FAM91A1: variants seen among roughly 807,000 people sequenced by gnomAD.
FAM91A1 encodes the protein family with sequence similarity 91 member A1, also known as protein FAM91A1.
In FAM91A1, 41 loss-of-function variants were observed where a neutral mutation model predicts 113.5. That is an observed-to-expected ratio of 0.36 (90% CI 0.28 to 0.47). The LOEUF is 0.47. Among genes scored for constraint, FAM91A1 ranks in the 20% least tolerant of loss-of-function variants. The probability of loss-of-function intolerance (pLI) is 1.00; values close to 1 mark genes in which losing one functional copy is unlikely to be tolerated. For missense variants in FAM91A1, 696 were observed against 1,001.2 expected, an observed-to-expected ratio of 0.70 and a Z score of 4.11; for synonymous variants, 307 against 347.9, an observed-to-expected ratio of 0.88 and a Z score of 1.31.
intron 3 of FAM91A1, 62 bp from the exon 4 acceptor site, chr8:123,777,203 T>C (rs879669002): frequency 2.3e-5 from 26 of 1,110,062 alleles, no homozygotes; most frequent in Non-Finnish European, 3.3e-5. Context: ...ATATTGTATT[T>C]ATACACATTT....
intron 11 of FAM91A1, 118 bp from the exon 12 acceptor site, chr8:123,786,377 T>G: frequency 1.3e-6 from 1 of 751,498 alleles, no homozygotes; most frequent in Non-Finnish European, 2.2e-6. Flanking sequence ...ATTTTGGGCT[T>G]GAATATAAGA....
intron 23 of FAM91A1, chr8:123,810,555 CTTTG>C: frequency 1.5e-6 from 1 of 645,322 alleles, no homozygotes; most frequent in South Asian, 1.8e-5. Flanking sequence ...AGCTTGATCT[CTTTG>C]TTCTGTGCCA....
chr8:123,797,268 A>G (rs1356231919), intron 15 of FAM91A1, among the ~76,000 whole-genome samples: 5 of 152,216 alleles, frequency 3.3e-5, no homozygotes, highest in East Asian at 1.9e-4. Context: ...GCACTCTTCT[A>G]TGATACAGAC....
chr8:123,785,021 A>T lies in FAM91A1; in HGVS notation c.811-60A>T, dbSNP rs1308860563. ...ATTATGATTATATTGGTCTATTACA[A>T]CTGTGTAATGTGCTGTTAATTCTAA... On this transcript the variant is annotated intron_variant, in intron 9 of 23. Transcript: ENST00000334705. 5.4e-6 allele frequency: 7 copies of T among 1,285,576 alleles called. No homozygotes were observed. In the East Asian group the frequency reaches 1.7e-4, roughly 30 times the overall value. The allele number at this position is 1,285,576 out of a possible 1,614,324, so 79.6% of individuals were successfully genotyped here.
At chr8:123,776,702 C>G (rs1814990892) in intron 3 of FAM91A1, among the ~76,000 whole-genome samples, 1 of 152,162 alleles carries the variant, frequency 6.6e-6, no homozygotes, top group African/African-American at 2.4e-5. Flanking sequence ...GTTATTCTAT[C>G]ATTGGGTATA....
chr8:123,775,011 C>A, intron 2 of FAM91A1, 136 bp from the exon 3 acceptor site: 1 of 849,772 alleles, frequency 1.2e-6, no homozygotes, highest in Non-Finnish European at 1.7e-6. Flanking sequence ...TTTGTTCCAA[C>A]TTAGAATATT....
Position 123,785,741 on chromosome 8 carries a change from A to T in FAM91A1, c.962A>T (p.Lys321Met). Reference protein sequence around the residue: ...WKNVPSVNRLKSTLDPQKMLL... With the variant: ...WKNVPSVNRLMSTLDPQKMLL... ...AATGTTCCATCCGTAAACAGATTAA[A>T]GTAACTTAAATTTATTCAGTATGAG... is the stretch of plus-strand genomic sequence containing the variant. Residue 321 changes from lysine to methionine, a missense_variant and splice_region_variant, in exon 11 of 24, where the codon AAG becomes ATG. Lys to Met is a moderately conservative substitution (Grantham distance 95, BLOSUM62 -1). Transcript: ENST00000334705. 1 of 1,562,416 alleles carries T rather than the reference A, an allele frequency of 6.4e-7. No homozygotes were observed. Among genetic ancestry groups the T allele is most frequent in the Non-Finnish European group, 8.6e-7 (1 of 1,156,174 alleles).
intron 1 of FAM91A1, among the ~76,000 whole-genome samples, chr8:123,769,508 A>G (rs533127816): frequency 6.6e-6 from 1 of 152,346 alleles, no homozygotes; most frequent in South Asian, 2.1e-4. Flanking sequence ...TCCTCCAGAC[A>G]AGATGGGTTT....
At chr8:123,807,911 G>A (rs1442222223) in intron 20 of FAM91A1, among the ~76,000 whole-genome samples, 4 of 152,144 alleles carry the variant, frequency 2.6e-5, no homozygotes, top group African/African-American at 4.8e-5. Flanking sequence ...TTCCACAGGG[G>A]TGCAATTGGC....
In FAM91A1 at chr8:123,812,682, T is replaced by C; in HGVS notation, c.2495T>C (p.Ile832Thr). Residue 832 changes from isoleucine to threonine, a missense_variant, in exon 24 of 24, where the codon ATT becomes ACT. By Grantham distance (89) the Ile-to-Thr change is moderately conservative. Coordinates refer to ENST00000334705, the MANE Select transcript of FAM91A1 (RefSeq NM_144963.4). The part of the protein sequence containing the change: ...WSGRSPSSLL[I>T]ANLHLQ ...GGACGGTCACCTTCCTCACTTCTTATTGCTAATCTCCATTTGCAATAATTT... is the reference window on the plus strand; with the variant it reads ...GGACGGTCACCTTCCTCACTTCTTACTGCTAATCTCCATTTGCAATAATTT... 3.2e-6 allele frequency: 5 copies of C among 1,585,428 alleles called. No individual in the cohort carries two copies. Among genetic ancestry groups the C allele is most frequent in the East Asian group, 2.3e-5 (1 of 43,774 alleles).
chr8:123,812,386 C>CTCGGTG, intron 23 of FAM91A1, 133 bp from the exon 24 acceptor site: 1 of 654,178 alleles, frequency 1.5e-6, no homozygotes, highest in South Asian at 2.6e-5. Context: ...CAGTGTAGAT[C>CTCGGTG]TTTGCATCTC....
intron 1 of FAM91A1, among the ~76,000 whole-genome samples, chr8:123,773,540 C>T (rs985017268): frequency 3.3e-5 from 5 of 152,172 alleles, no homozygotes; most frequent in African/African-American, 1.2e-4. Flanking sequence ...GTCTAAATGC[C>T]TTCTAATGAG....
In FAM91A1 at chr8:123,805,336, G is replaced by T. The variant is rs2130150516; in HGVS notation, c.1879G>T (p.Gly627Ter). 6.2e-7 allele frequency: 1 copy of T among 1,609,498 alleles called. No homozygotes were observed. Among genetic ancestry groups the T allele is most frequent in the Non-Finnish European group, 8.5e-7 (1 of 1,177,798 alleles). Residue 627 changes from glycine (G) to a stop codon, truncating the protein, a stop_gained, in exon 19 of 24, where the codon GGA becomes TGA. Coordinates refer to ENST00000334705, the MANE Select transcript of FAM91A1 (RefSeq NM_144963.4). LOFTEE classifies it high-confidence loss of function. ...PFPFDETELQ[G>*]EFTRVNMGVH... ...TCCATTTGATGAAACAGAACTACAA[G>T]GAGGTACCTTTTGAATTGTATCTAT...
chr8:123,787,571 A>G, intron 13 of FAM91A1, 93 bp from the exon 14 acceptor site: 1 of 1,160,918 alleles, frequency 8.6e-7, no homozygotes, highest in Non-Finnish European at 1.2e-6. Context: ...CCTTAAGTTT[A>G]AATATATTTG....
intron 15 of FAM91A1, among the ~76,000 whole-genome samples, chr8:123,790,704 A>G (rs1815362678): frequency 6.6e-6 from 1 of 152,196 alleles, no homozygotes; most frequent in Admixed American, 6.5e-5. Context: ...AAGCTGTCAC[A>G]TAGGTGAGAA....
In FAM91A1 at chr8:123,806,172, T is replaced by A. The variant is rs759342558; in HGVS notation, c.1975T>A (p.Leu659Met). 1 of 1,613,634 alleles carries A rather than the reference T, an allele frequency of 6.2e-7. No individual in the cohort carries two copies. Among genetic ancestry groups the A allele is most frequent in the South Asian group, 1.1e-5 (1 of 91,036 alleles). Residue 659 changes from leucine to methionine, a missense_variant, in exon 20 of 24, where the codon TTG (leucine) becomes ATG (methionine). Transcript: ENST00000334705. Reference protein sequence around the residue: ...LQHLCGYVTMLNASSQLADRK... With the variant: ...LQHLCGYVTMMNASSQLADRK... Reference sequence around the variant, plus strand: ...GCATCTCTGTGGATATGTCACCATGTTGAATGCTTCCAGCCAACTTGCAGA... The same window carrying A: ...GCATCTCTGTGGATATGTCACCATGATGAATGCTTCCAGCCAACTTGCAGA...
In FAM91A1 at chr8:123,806,088, C is replaced by A; in HGVS notation, c.1891C>A (p.Arg631Ser). The A allele has an allele frequency of 6.3e-7, 1 of 1,590,054 alleles. No homozygotes were observed. Among genetic ancestry groups the A allele is most frequent in the Admixed American group, 1.7e-5 (1 of 57,554 alleles). Residue 631 changes from arginine (R) to serine (S), a missense_variant, in exon 20 of 24, where the codon CGT becomes AGT. Arg to Ser is a moderately radical substitution (Grantham distance 110). Coordinates refer to ENST00000334705, the MANE Select transcript of FAM91A1 (RefSeq NM_144963.4). ...GTCCGTTCTGTTTGTAGAGTTCACTCGTGTCAATATGGGTGTTCATAAAGC... is the reference window on the plus strand; with the variant it reads ...GTCCGTTCTGTTTGTAGAGTTCACTAGTGTCAATATGGGTGTTCATAAAGC... The part of the protein sequence containing the change: ...DETELQGEFT[R>S]VNMGVHKALQ...
intron 8 of FAM91A1, among the ~76,000 whole-genome samples, chr8:123,781,387 A>G (rs760791363): frequency 6.6e-6 from 1 of 151,974 alleles, no homozygotes; most frequent in Non-Finnish European, 1.5e-5. Flanking sequence ...TCTTGACAAG[A>G]TATCATGCTG....
At chr8:123,787,944 G>A (rs1375995585) in intron 14 of FAM91A1, among the ~76,000 whole-genome samples, 194 bp downstream of exon 14, 1 of 152,128 alleles carries the variant, frequency 6.6e-6, no homozygotes, top group Non-Finnish European at 1.5e-5. Flanking sequence ...TTGATTTTGT[G>A]ATTTTTAAAG....
Sources: gnomAD v4.1 joint callset for allele counts (sites outside exome capture counted in the v4.1 genomes callset) on GRCh38, gnomAD v4.1.1 for gene constraint, MANE v1.5 for transcripts, NCBI Gene and HGNC (gene_info 2026-07-23, HGNC 2026-07-21) for gene names.